Variants in TYW1 observed in about 807,000 individuals in gnomAD.
The protein encoded by TYW1 is S-adenosyl-L-methionine-dependent tRNA 4-demethylwyosine synthase TYW1.
TYW1 carries 46 observed loss-of-function variants against 96.2 expected under a neutral mutation model. The ratio of observed to expected loss-of-function variants is 0.48; its 90% CI spans 0.38 to 0.61. The LOEUF (loss-of-function observed/expected upper bound fraction) is 0.61. Among genes scored for constraint, TYW1 ranks in the 20% least tolerant of loss-of-function variants. The probability of loss-of-function intolerance (pLI) is 0.00; values close to 1 mark genes in which losing one functional copy is unlikely to be tolerated. For missense variants in TYW1, 684 were observed against 909.6 expected, an observed-to-expected ratio of 0.75 and a Z score of 3.19; for synonymous variants, 274 against 323.0, an observed-to-expected ratio of 0.85 and a Z score of 1.63.
At chr7:67,096,768 A>T (rs1796933942) in intron 11 of TYW1, among the ~76,000 whole-genome samples, 1 of 151,960 alleles carries the variant, frequency 6.6e-6, no homozygotes, top group African/African-American at 2.4e-5. Flanking sequence ...AGTGTGTGTC[A>T]TTCCCCTCTA....
chr7:67,007,624 C>T (rs529880810), intron 3 of TYW1, among the ~76,000 whole-genome samples: 1 of 152,106 alleles, frequency 6.6e-6, no homozygotes, highest in African/African-American at 2.4e-5. Flanking sequence ...GTTTTCTGAC[C>T]CCCAAATACC....
intron 13 of TYW1, among the ~76,000 whole-genome samples, chr7:67,137,875 C>T (rs1437935352): frequency 3.3e-5 from 5 of 152,210 alleles, no homozygotes; most frequent in South Asian, 2.1e-4. Flanking sequence ...ATCACAGCCA[C>T]TGCCGAAAAC....
chr7:67,230,249 G>A (rs1801705504), intron 15 of TYW1, among the ~76,000 whole-genome samples: 1 of 151,558 alleles, frequency 6.6e-6, no homozygotes, highest in African/African-American at 2.4e-5. Context: ...ACCAAACATA[G>A]CACCTAGTAC....
intron 12 of TYW1, among the ~76,000 whole-genome samples, chr7:67,115,812 A>T (rs1239986228): frequency 6.6e-6 from 1 of 151,730 alleles, no homozygotes; most frequent in Non-Finnish European, 1.5e-5. Context: ...TGTGAGTGAT[A>T]TTTTCATTTT....
intron 14 of TYW1, among the ~76,000 whole-genome samples, chr7:67,185,620 G>C (rs1251881682): frequency 6.6e-6 from 1 of 152,092 alleles, no homozygotes; most frequent in African/African-American, 2.4e-5. Context: ...GACATATTTG[G>C]GGAGAAATGT....
chr7:67,073,761 A>G (rs1337020947), intron 10 of TYW1, among the ~76,000 whole-genome samples: 1 of 84,414 alleles, frequency 1.2e-5, no homozygotes, highest in African/African-American at 5.3e-5. Context: ...ACAGTGCGAG[A>G]CTCTTCAAAA....
chr7:67,094,509 C>A (rs936103006), intron 11 of TYW1, among the ~76,000 whole-genome samples: 4 of 152,144 alleles, frequency 2.6e-5, no homozygotes, highest in Admixed American at 2.6e-4. Context: ...AATAGCCATT[C>A]TGACTAGTAT....
intron 3 of TYW1, among the ~76,000 whole-genome samples, chr7:67,006,705 G>A (rs1793606417): frequency 6.6e-6 from 1 of 151,972 alleles, no homozygotes; most frequent in African/African-American, 2.4e-5. Flanking sequence ...CTCCCAAAGA[G>A]CTGGGATTAC....
chr7:67,171,510 TTTAA>T (rs1799512563), intron 13 of TYW1, among the ~76,000 whole-genome samples: 1 of 152,190 alleles, frequency 6.6e-6, no homozygotes, highest in African/African-American at 2.4e-5. Flanking sequence ...CTCCTTTGTC[TTTAA>T]TTGTTAGTTA....
At chr7:67,108,054 TATAGTAGAGACAGGGTTTC>T (rs1797294256) in intron 12 of TYW1, among the ~76,000 whole-genome samples, 1 of 151,916 alleles carries the variant, frequency 6.6e-6, no homozygotes, top group South Asian at 2.1e-4. Flanking sequence ...TTTTTGTATT[TATAGTAGAGACAGGGTTTC>T]ACCATGTTGG....
At chr7:67,030,337 C>G (rs1460559330) in intron 7 of TYW1, among the ~76,000 whole-genome samples, 1 of 152,054 alleles carries the variant, frequency 6.6e-6, no homozygotes, top group African/African-American at 2.4e-5. Flanking sequence ...GGTCAAAGGT[C>G]AGATATATAT....
chr7:67,168,707 CT>C (rs974891631), intron 13 of TYW1, among the ~76,000 whole-genome samples: 1 of 150,424 alleles, frequency 6.6e-6, no homozygotes, highest in Non-Finnish European at 1.5e-5. Flanking sequence ...ATTTCTTATT[CT>C]TTTTTTTTCT....
chr7:67,023,538 C>T (rs1370902047), intron 6 of TYW1, among the ~76,000 whole-genome samples: 2 of 151,974 alleles, frequency 1.3e-5, no homozygotes, highest in African/African-American at 2.4e-5. Context: ...GAGGCTGAGG[C>T]GGGCGCGTCA....
intron 13 of TYW1, among the ~76,000 whole-genome samples, chr7:67,123,817 C>T (rs1192660863): frequency 2.6e-5 from 4 of 152,012 alleles, no homozygotes; most frequent in African/African-American, 7.3e-5. Context: ...AGAAAGATTA[C>T]GAAGTAAAGG....
At chr7:67,188,053 G>A (rs996609223) in intron 14 of TYW1, among the ~76,000 whole-genome samples, 3 of 152,232 alleles carry the variant, frequency 2.0e-5, no homozygotes, top group Admixed American at 6.5e-5. Context: ...GGGCCTCATG[G>A]CTCATGCCTG....
At chr7:67,189,025 T>A (rs1391238597) in intron 14 of TYW1, among the ~76,000 whole-genome samples, 1 of 152,264 alleles carries the variant, frequency 6.6e-6, no homozygotes, top group Non-Finnish European at 1.5e-5. Flanking sequence ...TTCTAACATG[T>A]ATGTATCACC....
intron 11 of TYW1, among the ~76,000 whole-genome samples, chr7:67,095,999 A>G (rs1226738576): frequency 1.3e-5 from 2 of 152,190 alleles, no homozygotes; most frequent in Non-Finnish European, 2.9e-5. Context: ...TGTGCCAGAC[A>G]CTCCGCTAAG....
intron 13 of TYW1, among the ~76,000 whole-genome samples, chr7:67,170,588 T>C (rs754077709): frequency 6.6e-6 from 1 of 152,196 alleles, no homozygotes; most frequent in Non-Finnish European, 1.5e-5. Context: ...CTTGTGTAAT[T>C]ATCACCTTTA....
chr7:67,187,589 C>T (rs1340003382), intron 14 of TYW1, among the ~76,000 whole-genome samples: 1 of 135,692 alleles, frequency 7.4e-6, no homozygotes, highest in East Asian at 2.0e-4. Context: ...ATGCTGTAGT[C>T]GCAAAAGGGA....
Sources: allele counts gnomAD v4.1 joint callset (sites outside exome capture counted in the v4.1 genomes callset), GRCh38; gene constraint gnomAD v4.1.1; transcripts MANE v1.5; gene names NCBI Gene and HGNC (gene_info 2026-07-23, HGNC 2026-07-21).